The following TMEM117 variants were observed in gnomAD, a reference collection of about 807,000 sequenced individuals.
TMEM117 encodes the protein transmembrane protein 117.
In TMEM117, 27 loss-of-function variants were observed where a neutral mutation model predicts 52.4. The observed-to-expected ratio is 0.51, with a 90% CI of 0.38 to 0.71. The LOEUF (loss-of-function observed/expected upper bound fraction) is 0.71. TMEM117 is among the 30% of genes least tolerant of loss of function. TMEM117 has a pLI of 0.00. For synonymous variants in TMEM117, 215 were observed against 206.3 expected (o/e 1.04, Z -0.36); for missense variants, 556 against 630.5 (o/e 0.88, Z 1.26).
At chr12:43,842,110 A>G (rs1424178848) in intron 1 of TMEM117, among the ~76,000 whole-genome samples, 1 of 152,170 alleles carries the variant, frequency 6.6e-6, no homozygotes, top group Non-Finnish European at 1.5e-5. Flanking sequence ...CTGTTGTGTG[A>G]AATCGAGTTC....
rs113112993 is a variant in TMEM117, at chr12:44,179,318, G to A, written c.511-31972G>A. On this transcript the variant is annotated intron_variant, in intron 4 of 7. Coordinates refer to ENST00000266534, the MANE Select transcript of TMEM117 (RefSeq NM_032256.3). Reference sequence around the variant, plus strand: ...TCCCATCATAAGTCATCTGCAAGCCGGAGAAATAGAGAAGCCAGTAGTGTG... The same window carrying A: ...TCCCATCATAAGTCATCTGCAAGCCAGAGAAATAGAGAAGCCAGTAGTGTG... Among the ~76,000 whole-genome samples, 115 of 152,268 alleles carry A rather than the reference G, an allele frequency of 7.6e-4. 2 individuals are homozygous for A. The highest frequency in any genetic ancestry group is 2.5e-3 in the African/African-American group (105 of 41,560).
chr12:44,242,504 C>T (rs1022266309), intron 5 of TMEM117, among the ~76,000 whole-genome samples: 8 of 151,620 alleles, frequency 5.3e-5, no homozygotes, highest in Admixed American at 1.3e-4. Flanking sequence ...TATTCCATGG[C>T]GTATATGTGC....
chr12:43,805,106 G>C, the TMEM117 span, among the ~76,000 whole-genome samples: 6 of 152,182 alleles, frequency 3.9e-5, no homozygotes, highest in African/African-American at 1.4e-4. Context: ...TCAAAAGCTA[G>C]ATTAAACTCA....
the TMEM117 span, among the ~76,000 whole-genome samples, chr12:43,810,267 A>T: frequency 6.6e-6 from 1 of 152,182 alleles, no homozygotes. Context: ...GTGGGGTAGG[A>T]TGGTTTAAAT....
intron 5 of TMEM117, among the ~76,000 whole-genome samples, chr12:44,284,649 C>A (rs1950617106): frequency 6.6e-6 from 1 of 152,170 alleles, no homozygotes; most frequent in South Asian, 2.1e-4. Flanking sequence ...GCAGTAGCAT[C>A]TCAGCTTGGT....
chr12:44,273,950 A>G (rs1950481038), intron 5 of TMEM117, among the ~76,000 whole-genome samples: 1 of 152,314 alleles, frequency 6.6e-6, no homozygotes, highest in African/African-American at 2.4e-5. Context: ...TGGTCAACAT[A>G]GTACTGGAAG....
Position 44,322,091 on chromosome 12 carries a change from G to A in TMEM117, c.768+22352G>A, listed in dbSNP as rs568181155. Among the ~76,000 whole-genome samples, 10 of 152,272 alleles carry A rather than the reference G, an allele frequency of 6.6e-5. 1 individual carries two copies. The highest frequency in any genetic ancestry group is 1.4e-4 in the African/African-American group (6 of 41,552). On this transcript the variant is annotated intron_variant, in intron 6 of 7. Coordinates refer to ENST00000266534, the MANE Select transcript of TMEM117 (RefSeq NM_032256.3). The stretch of plus-strand genomic sequence containing the variant: ...AAAGAGAATGAAGTGTAACAAGGGC[G>A]TAATTTCATTTGAATAAAAGGAATT...
At chr12:43,921,039 C>T (rs1944685240) in intron 2 of TMEM117, among the ~76,000 whole-genome samples, 2 of 152,050 alleles carry the variant, frequency 1.3e-5, no homozygotes, top group Non-Finnish European at 2.9e-5. Flanking sequence ...ATAAACTTGT[C>T]TACCCTTCTG....
At chr12:44,302,661 A>G (rs1950855833) in intron 6 of TMEM117, among the ~76,000 whole-genome samples, 3 of 152,182 alleles carry the variant, frequency 2.0e-5, no homozygotes, top group African/African-American at 7.2e-5. Context: ...CCAGAGTAAT[A>G]ACTGCTTGAT....
the TMEM117 span, chr12:43,805,996 G>T: frequency 1.3e-6 from 2 of 1,533,752 alleles, no homozygotes; most frequent in Non-Finnish European, 1.7e-6. Context: ...CCGAATTTCG[G>T]ATCAATCTGC....
At chr12:43,805,957 C>T in the TMEM117 span, 2 of 1,542,138 alleles carry the variant, frequency 1.3e-6, no homozygotes, top group Admixed American at 1.7e-5. Flanking sequence ...TCAACCAGGC[C>T]GCCTCGAAAG....
intron 3 of TMEM117, among the ~76,000 whole-genome samples, chr12:44,097,729 G>T (rs1474908394): frequency 1.5e-5 from 2 of 134,800 alleles, no homozygotes; most frequent in African/African-American, 3.7e-5. Flanking sequence ...GTGGGGGGAT[G>T]GGGGAGGGAT....
chr12:44,379,023 C>T (rs1951981778), intron 7 of TMEM117, among the ~76,000 whole-genome samples: 1 of 151,936 alleles, frequency 6.6e-6, no homozygotes, highest in East Asian at 1.9e-4. Flanking sequence ...GTGGCTCACA[C>T]CTATAGTCCT....
intron 3 of TMEM117, among the ~76,000 whole-genome samples, chr12:43,972,790 T>G (rs1458246096): frequency 1.3e-5 from 2 of 152,156 alleles, no homozygotes; most frequent in African/African-American, 4.8e-5. Flanking sequence ...AACCTCTAGC[T>G]AGGTACAGAG....
chr12:43,845,025 C>G (rs1444054761), intron 2 of TMEM117, 97 bp downstream of exon 2: 4 of 1,426,294 alleles, frequency 2.8e-6, no homozygotes, highest in Non-Finnish European at 3.8e-6. Context: ...ATGTAGGAGG[C>G]ATTTTAGTTT....
the TMEM117 span, chr12:43,806,158 C>CCTCCCGGCTCTCCCGGCT: frequency 1.1e-4 from 174 of 1,534,356 alleles, no homozygotes; most frequent in African/African-American, 1.4e-3. Flanking sequence ...GTCCTGCAGC[C>CCTCCCGGCTCTCCCGGCT]CTCCCGGCTC....
chr12:44,188,157 G>A (rs1004851951), intron 4 of TMEM117, among the ~76,000 whole-genome samples: 8 of 152,210 alleles, frequency 5.3e-5, no homozygotes, highest in African/African-American at 1.7e-4. Flanking sequence ...CTACTTACAT[G>A]TCCATATCTA....
In TMEM117 at chr12:44,388,328, C is replaced by T; in HGVS notation, c.1201C>T (p.Leu401=). The T allele has an allele frequency of 6.2e-7, 1 of 1,613,578 alleles. No homozygotes were observed. Among genetic ancestry groups the T allele is most frequent in the Non-Finnish European group, 8.5e-7 (1 of 1,179,670 alleles). The change falls in exon 8 of 8, where the codon CTG becomes TTG. Residue 401 remains leucine (L), a synonymous_variant. Coordinates refer to ENST00000266534, the MANE Select transcript of TMEM117 (RefSeq NM_032256.3). Reference sequence around the variant, plus strand: ...CAAGTGTCTGGCCTTTGTTCCAAGCCTGATAGCCTTTGTGTGGTTTGGATT... The same window carrying T: ...CAAGTGTCTGGCCTTTGTTCCAAGCTTGATAGCCTTTGTGTGGTTTGGATT... ...DVKCLAFVPS[L]IAFVWFGFFI... is the part of the protein sequence containing the mutation.
At chr12:43,937,307 A>T (rs1592376710) in intron 2 of TMEM117, among the ~76,000 whole-genome samples, 1 of 152,240 alleles carries the variant, frequency 6.6e-6, no homozygotes, top group South Asian at 2.1e-4. Flanking sequence ...CAGGAAAGAG[A>T]ATTGACAAGG....
Sources: gnomAD v4.1 joint callset for allele counts (sites outside exome capture counted in the v4.1 genomes callset) on GRCh38, gnomAD v4.1.1 for gene constraint, MANE v1.5 for transcripts, NCBI Gene and HGNC (gene_info 2026-07-23, HGNC 2026-07-21) for gene names.